DPY19L3: variants seen among roughly 807,000 people sequenced by gnomAD.
The protein encoded by DPY19L3 is protein C-mannosyl-transferase DPY19L3.
Under a neutral mutation model 92.3 loss-of-function variants are expected in DPY19L3, and 51 were observed. That is an observed-to-expected ratio of 0.55 (90% CI 0.44 to 0.70). The LOEUF is 0.70. DPY19L3 is among the 30% of genes least tolerant of loss of function. The probability of loss-of-function intolerance (pLI) is 0.00; values close to 1 mark genes in which losing one functional copy is unlikely to be tolerated. For synonymous variants in DPY19L3, 309 were observed against 315.2 expected (o/e 0.98, Z 0.21); for missense variants, 706 against 855.9 (o/e 0.82, Z 2.18).
rs140138399 is a variant in DPY19L3 at position 32,468,884 on chromosome 19, T to C, written c.1697+71T>C. On this transcript the variant is annotated intron_variant, in intron 16 of 18. Transcript: ENST00000392250. ...GAGTCACTATAGACCACATTTCGTT[T>C]TGGGGGTTTTTTGTTTGTTTCTGAA... 1,003 of 1,458,058 alleles carry C rather than the reference T, an allele frequency of 6.9e-4. 2 individuals are homozygous for C. In the African/African-American group the frequency reaches 0.011, roughly 16 times the overall value. The allele number at this position is 1,458,058 out of a possible 1,614,324, so 90.3% of individuals were successfully genotyped here.
intron 3 of DPY19L3, chr19:32,411,959 C>T (rs771310803): frequency 6.6e-5 from 10 of 152,332 alleles, no homozygotes; most frequent in African/African-American, 1.4e-4. Context: ...TCACTGCAGC[C>T]TCAACCTCCT....
chr19:32,466,824 C>T (rs963402773), intron 15 of DPY19L3, among the ~76,000 whole-genome samples: 3 of 152,342 alleles, frequency 2.0e-5, no homozygotes, highest in South Asian at 4.1e-4. Context: ...TCAGATATTT[C>T]ATCTCCACAA....
chr19:32,473,873 G>T (rs1019196646), intron 16 of DPY19L3, among the ~76,000 whole-genome samples: 1 of 152,062 alleles, frequency 6.6e-6, no homozygotes, highest in Non-Finnish European at 1.5e-5. Context: ...GCGTGATCTC[G>T]GCTCACTGCA....
At chr19:32,425,507 C>T (rs1417629226) in intron 3 of DPY19L3, among the ~76,000 whole-genome samples, 3 of 151,562 alleles carry the variant, frequency 2.0e-5, no homozygotes, top group Non-Finnish European at 4.4e-5. Context: ...GCTGAGATGG[C>T]GCCACTGTGC....
chr19:32,481,096 T>A (rs527315843), intron 18 of DPY19L3: 2 of 250,724 alleles, frequency 8.0e-6, no homozygotes, highest in East Asian at 1.4e-4. Context: ...AAGCCGCTTC[T>A]CCCTTCTCCC....
At position 32,482,946 on chromosome 19, in the gene DPY19L3, C is replaced by T. The variant is rs1424253282; in HGVS notation, c.*706C>T. The T allele has an allele frequency of 6.6e-6, 1 of 152,112 alleles. No homozygotes were observed. Among genetic ancestry groups the T allele is most frequent in the African/African-American group, 2.4e-5 (1 of 41,400 alleles). The allele number at this position is 152,112 out of a possible 1,614,324, so 9.4% of individuals were successfully genotyped here. On this transcript the variant is annotated 3_prime_UTR_variant, in exon 19 of 19. Coordinates refer to ENST00000392250, the MANE Select transcript of DPY19L3 (RefSeq NM_001172774.2). ...GTGTTACAAGTTCCATATCGTAAGT[C>T]CTTAAAGGGGCAGAAATATATGTAG...
intron 16 of DPY19L3, among the ~76,000 whole-genome samples, chr19:32,475,338 G>A (rs918756201): frequency 6.6e-6 from 1 of 152,156 alleles, no homozygotes; most frequent in East Asian, 1.9e-4. Context: ...AGGATCATTC[G>A]CCTCTGATAG....
chr19:32,406,335 G>T (rs867387477), intron 1 of DPY19L3: 64 of 152,534 alleles, frequency 4.2e-4, no homozygotes, highest in Middle Eastern at 3.4e-3. Flanking sequence ...TCGTCCAGGG[G>T]ATGCTCACTA....
intron 9 of DPY19L3, among the ~76,000 whole-genome samples, chr19:32,454,407 T>C (rs753749646): frequency 2.1e-4 from 32 of 152,192 alleles, no homozygotes; most frequent in Middle Eastern, 3.4e-3. Context: ...ACCCTGTCTC[T>C]ACTAAAAATA....
chr19:32,446,000 CA>C lies in DPY19L3; in HGVS notation c.855+6102del, dbSNP rs200470613. Among the ~76,000 whole-genome samples the C allele has an allele frequency of 5.0e-3, 654 of 130,834 alleles. 17 individuals are homozygous for C. In the East Asian group the frequency reaches 0.081, roughly 16 times the overall value. 85.8% of individuals were successfully genotyped at this position (130,834 alleles called of 152,430 possible). On this transcript the variant is annotated intron_variant, in intron 8 of 18. Coordinates refer to ENST00000392250, the MANE Select transcript of DPY19L3 (RefSeq NM_001172774.2). ...CTGGGAGACGAGTGAAACTTCGTCT[CA>C]AAAAAAAAAAATTATATTTGATAGC...
Position 32,482,179 on chromosome 19 carries a change from A to C in DPY19L3, c.2090A>C (p.Tyr697Ser). The C allele has an allele frequency of 6.2e-7, 1 of 1,613,884 alleles. No individual in the cohort carries two copies. Among genetic ancestry groups the C allele is most frequent in the Non-Finnish European group, 8.5e-7 (1 of 1,179,872 alleles). ...IKRNLPPYVA[Y>S]FTRVFQNKTF... is the part of the protein sequence containing the mutation. ...AGAAACCTGCCTCCCTACGTGGCCT[A>C]CTTCACCAGAGTGTTCCAGAACAAA... The change falls in exon 19 of 19, where the codon TAC becomes TCC. Residue 697 changes from tyrosine to serine, a missense_variant. Transcript: ENST00000392250.
chr19:32,481,066 C>T (rs1036822710), intron 18 of DPY19L3: 1 of 314,064 alleles, frequency 3.2e-6, no homozygotes, highest in African/African-American at 2.1e-5. Flanking sequence ...CTAAGTTGCA[C>T]TCCAGAGCAG....
At chr19:32,480,900 G>GAGAT in intron 18 of DPY19L3, 3 of 438,904 alleles carry the variant, frequency 6.8e-6, no homozygotes, top group Non-Finnish European at 1.2e-5. Context: ...TAAACCCACT[G>GAGAT]CTCCAACGCT....
Position 32,408,082 on chromosome 19 carries a change from TGGG to T in DPY19L3, c.-37-131_-37-129del, listed in dbSNP as rs1185319223. On this transcript the variant is annotated intron_variant, in intron 1 of 18. Coordinates refer to ENST00000392250, the MANE Select transcript of DPY19L3 (RefSeq NM_001172774.2). Reference sequence around the variant, plus strand: ...CCTGAGTGACAGTGAGACCCTGTCTTGGGGGGAAGAAAAAAAAAGGGAGGGCAT... The same window carrying T: ...CCTGAGTGACAGTGAGACCCTGTCTTGGGAAGAAAAAAAAAGGGAGGGCAT... 21 of 589,380 alleles carry T rather than the reference TGGG, an allele frequency of 3.6e-5. No individual in the cohort carries two copies. The East Asian group carries it at 3.7e-4, about 10-fold the overall frequency. The allele number at this position is 589,380 out of a possible 1,614,324, so 36.5% of individuals were successfully genotyped here. A position where few individuals can be genotyped will look rare whatever the true frequency, so the allele number is the denominator to read the frequency against.
At chr19:32,415,503 G>C (rs184141499) in intron 3 of DPY19L3, among the ~76,000 whole-genome samples, 1 of 152,266 alleles carries the variant, frequency 6.6e-6, no homozygotes, top group East Asian at 1.9e-4. Context: ...AGATAATAAA[G>C]GGTCTGTCTT....
At chr19:32,451,556 A>G (rs1024523155) in intron 8 of DPY19L3, among the ~76,000 whole-genome samples, 1 of 152,210 alleles carries the variant, frequency 6.6e-6, no homozygotes, top group Non-Finnish European at 1.5e-5. Flanking sequence ...GGTTAAGAGA[A>G]CAAAACCATG....
chr19:32,416,818 A>G (rs1968394235), intron 3 of DPY19L3, among the ~76,000 whole-genome samples: 1 of 152,208 alleles, frequency 6.6e-6, no homozygotes, highest in African/African-American at 2.4e-5. Flanking sequence ...TTATGTAGGC[A>G]TGATTGATTG....
chr19:32,443,960 G>A (rs770737708), intron 8 of DPY19L3, among the ~76,000 whole-genome samples: 23 of 151,716 alleles, frequency 1.5e-4, no homozygotes, highest in Admixed American at 1.5e-3. Flanking sequence ...GGAGGCTGAG[G>A]CAGGAGAATA....
In DPY19L3 at chr19:32,480,438, C is replaced by T. The variant is rs368531601; in HGVS notation, c.1870C>T (p.His624Tyr). Residue 624 changes from histidine to tyrosine, a missense_variant, in exon 18 of 19, where the codon CAT becomes TAT. By Grantham distance (83) the His-to-Tyr change is moderately conservative (BLOSUM62 2). Coordinates refer to ENST00000392250, the MANE Select transcript of DPY19L3 (RefSeq NM_001172774.2). ...TGCCAAGAGGGCACCAGAGGAAGTG[C>T]ATGCCCTCCTAAGGTCCTTCGGCAC... is the stretch of plus-strand genomic sequence containing the variant. ...IYAKRAPEEV[H>Y]ALLRSFGTDY... 1.9e-5 allele frequency: 30 copies of T among 1,613,916 alleles called. No homozygotes were observed. The Middle Eastern group carries it at 5.0e-4, about 27-fold the overall frequency.
Sources: allele counts gnomAD v4.1 joint callset (sites outside exome capture counted in the v4.1 genomes callset), GRCh38; gene constraint gnomAD v4.1.1; transcripts MANE v1.5; gene names NCBI Gene and HGNC (gene_info 2026-07-23, HGNC 2026-07-21).